The following KIF13A variants were observed in gnomAD, a reference collection of about 807,000 sequenced individuals.
KIF13A encodes kinesin-like protein KIF13A.
A neutral mutation model predicts 212.2 loss-of-function variants in KIF13A; 79 were observed. The observed-to-expected ratio is 0.37, with a 90% CI of 0.31 to 0.45. KIF13A has a LOEUF of 0.45. KIF13A is among the 20% of genes least tolerant of loss of function. KIF13A has a pLI of 1.00. For synonymous variants in KIF13A, 789 were observed against 808.6 expected (o/e 0.98, Z 0.41); for missense variants, 1,901 against 2,209.0 (o/e 0.86, Z 2.79).
rs146596218 is a variant in KIF13A, at chr6:17,871,799, G to T, written c.220+1578C>A. ...CATGAGAAGAGCTCCAGTTCAGGAAGATATATATGGCTGCATCTTGAGTAA... is the reference window on the plus strand; with the variant it reads ...CATGAGAAGAGCTCCAGTTCAGGAATATATATATGGCTGCATCTTGAGTAA... On this transcript the variant is annotated intron_variant, in intron 4 of 38. Transcript: ENST00000259711. The surrounding 1 kb of genome is among the most constrained non-coding windows in gnomAD (Gnocchi z 4.4). 4.9e-3 allele frequency among the ~76,000 whole-genome samples: 743 copies of T among 152,318 alleles called. 3 individuals are homozygous for T. The highest frequency in any genetic ancestry group is 0.01 in the Middle Eastern group (3 of 294).
intron 16 of KIF13A, chr6:17,821,830 A>C: frequency 6.5e-7 from 1 of 1,535,342 alleles, no homozygotes; most frequent in Non-Finnish European, 8.7e-7. Flanking sequence ...AAACCACATG[A>C]GAGGAAAGAG....
intron 2 of KIF13A, among the ~76,000 whole-genome samples, chr6:17,910,293 A>G (rs1436661086): frequency 2.0e-5 from 3 of 152,268 alleles, no homozygotes; most frequent in African/African-American, 7.2e-5. Flanking sequence ...TTACCTGAAA[A>G]GATAGAGAAC....
In KIF13A at chr6:17,961,170, G is replaced by A. The variant is rs571522618; in HGVS notation, c.146+25884C>T. ...CCAATGAATGTGAGTTTGCAGAGAG[G>A]AGGCTAAAAGAGCACTTCAAACTGG... On this transcript the variant is annotated intron_variant, in intron 2 of 38. Transcript: ENST00000259711. The surrounding 1 kb of genome is among the most constrained non-coding windows in gnomAD (Gnocchi z 4.1). Among the ~76,000 whole-genome samples, 3 of 152,278 alleles carry A rather than the reference G, an allele frequency of 2.0e-5. No individual in the cohort carries two copies. In the East Asian group the frequency reaches 5.8e-4, roughly 29 times the overall value.
intron 18 of KIF13A, among the ~76,000 whole-genome samples, chr6:17,805,922 ATTT>A (rs58290591): frequency 1.9e-4 from 26 of 139,324 alleles, no homozygotes; most frequent in Non-Finnish European, 3.5e-4. Flanking sequence ...CATAAGCACG[ATTT>A]TTTTTTTTTT....
At chr6:17,910,953 C>T (rs1399609247) in intron 2 of KIF13A, among the ~76,000 whole-genome samples, 3 of 152,084 alleles carry the variant, frequency 2.0e-5, no homozygotes, top group Non-Finnish European at 4.4e-5. Flanking sequence ...TTAGTAGAGA[C>T]GGGGTTTCTC....
rs1209272231 is a variant in KIF13A, at chr6:17,839,311, T to A, written c.831-1728A>T. Among the ~76,000 whole-genome samples, 16 of 152,062 alleles carry A rather than the reference T, an allele frequency of 1.1e-4. No individual in the cohort carries two copies. Among genetic ancestry groups the A allele is most frequent in the Admixed American group, 1.0e-3 (16 of 15,256 alleles). ...TGAAACAAATCTAACCCAAGAGAAG[T>A]GAAAACATAAGTCTACACAGAAACT... On this transcript the variant is annotated intron_variant, in intron 9 of 38. Transcript: ENST00000259711. This position sits in a 1 kb window ranked among gnomAD's most constrained non-coding sequence, Gnocchi z 4.3.
downstream of KIF13A, chr6:17,760,507 A>G: frequency 3.7e-6 from 1 of 271,348 alleles, no homozygotes; most frequent in Non-Finnish European, 6.9e-6. Context: ...AGAACTGATT[A>G]AAATTGTACA....
chr6:17,955,994 A>T (rs1581847522), intron 2 of KIF13A, among the ~76,000 whole-genome samples: 1 of 152,228 alleles, frequency 6.6e-6, no homozygotes, highest in Non-Finnish European at 1.5e-5. Context: ...GATCTTAAGC[A>T]CAATTTTTAA....
At chr6:17,848,796 A>T (rs1401128086) in intron 9 of KIF13A, among the ~76,000 whole-genome samples, 1 of 151,928 alleles carries the variant, frequency 6.6e-6, no homozygotes, top group East Asian at 1.9e-4. Context: ...CAGGTAGAGA[A>T]GGGGTTTTGT....
At position 17,837,558 on chromosome 6, in the gene KIF13A, T is replaced by C. The variant is rs749123689; in HGVS notation, c.856A>G (p.Ile286Val). Reference protein sequence around the residue: ...NKSLTTLGLVISSLADQAAGK... With the variant: ...NKSLTTLGLVVSSLADQAAGK... Reference sequence around the variant, plus strand: ...GCTGCCTGGTCAGCCAGTGATGATATAACCAACCCCAAGGTTGTAAGCGAT... The same window carrying C: ...GCTGCCTGGTCAGCCAGTGATGATACAACCAACCCCAAGGTTGTAAGCGAT... The change falls in exon 10 of 39, where the codon ATA becomes GTA. Residue 286 changes from isoleucine to valine, a missense_variant. By Grantham distance (29) the Ile-to-Val change is conservative. This residue lies in a region of KIF13A where 506 missense variants were observed against 637.4 expected (regional missense o/e 0.79). Coordinates refer to ENST00000259711, the MANE Select transcript of KIF13A (RefSeq NM_022113.6). This position sits in a 1 kb window ranked among gnomAD's most constrained non-coding sequence, Gnocchi z 5.4. 35 of 1,608,026 alleles carry C rather than the reference T, an allele frequency of 2.2e-5. No homozygotes were observed. In the South Asian group the frequency reaches 3.7e-4, roughly 17 times the overall value.
Position 17,825,689 on chromosome 6 carries a change from T to TG in KIF13A, c.1786+78dup, listed in dbSNP as rs1764906412. 3.0e-6 allele frequency: 4 copies of TG among 1,327,248 alleles called. No homozygotes were observed. The highest frequency in any genetic ancestry group is 4.2e-6 in the Non-Finnish European group (4 of 953,776). 82.2% of individuals were successfully genotyped at this position (1,327,248 alleles called of 1,614,324 possible). A position where few individuals can be genotyped will look rare whatever the true frequency, so the allele number is the denominator to read the frequency against. ...AAAATGTGGAATGCGGAATGACACCTGATGCATGCTTATCCCTCACTGAAT... is the reference window on the plus strand; with the variant it reads ...AAAATGTGGAATGCGGAATGACACCTGGATGCATGCTTATCCCTCACTGAAT... On this transcript the variant is annotated intron_variant, in intron 16 of 38. Coordinates refer to ENST00000259711, the MANE Select transcript of KIF13A (RefSeq NM_022113.6). The surrounding 1 kb of genome is among the most constrained non-coding windows in gnomAD (Gnocchi z 4.5).
intron 4 of KIF13A, among the ~76,000 whole-genome samples, chr6:17,867,791 C>T (rs1041638224): frequency 6.6e-6 from 1 of 152,180 alleles, no homozygotes; most frequent in East Asian, 1.9e-4. Flanking sequence ...CTACTGTTGG[C>T]TTTTAGAATG....
rs1222741216 is a variant in KIF13A, at chr6:17,768,257, C to A, written c.4581+2857G>T. On this transcript the variant is annotated intron_variant, in intron 38 of 38. Transcript: ENST00000259711. This position sits in a 1 kb window ranked among gnomAD's most constrained non-coding sequence, Gnocchi z 5.4. ...TCTTAAGGAAAAAGATAATTAAAACCCTATCTGAAGTGGCACATGGAGTCA... is the reference window on the plus strand; with the variant it reads ...TCTTAAGGAAAAAGATAATTAAAACACTATCTGAAGTGGCACATGGAGTCA... 6.6e-6 allele frequency among the ~76,000 whole-genome samples: 1 copy of A among 152,066 alleles called. No homozygotes were observed. Among genetic ancestry groups the A allele is most frequent in the East Asian group, 1.9e-4 (1 of 5,198 alleles).
chr6:17,836,376 T>C (rs1426833539), intron 11 of KIF13A, among the ~76,000 whole-genome samples: 1 of 152,216 alleles, frequency 6.6e-6, no homozygotes, highest in Admixed American at 6.5e-5. Context: ...AAAGGCCAAC[T>C]GATTTAGGGA....
rs776043267 is a variant in KIF13A at position 17,800,113 on chromosome 6, C to G, written c.2455G>C (p.Val819Leu). 2 of 1,613,264 alleles carry G rather than the reference C, an allele frequency of 1.2e-6. No individual in the cohort carries two copies. Among genetic ancestry groups the G allele is most frequent in the East Asian group, 2.2e-5 (1 of 44,844 alleles). Reference sequence around the variant, plus strand: ...ACTTCCACGTGGAGACGCCCTGCAACCTGGGTCAAGGAACCAGAGCACCTT... The same window carrying G: ...ACTTCCACGTGGAGACGCCCTGCAAGCTGGGTCAAGGAACCAGAGCACCTT... ...AVPIISQQGE[V>L]AGRLHVEVMR... The change falls in exon 21 of 39, where the codon GTT (valine) becomes CTT (leucine). Residue 819 changes from valine to leucine, a missense_variant and splice_region_variant. By Grantham distance (32) the Val-to-Leu change is conservative (BLOSUM62 1). Coordinates refer to ENST00000259711, the MANE Select transcript of KIF13A (RefSeq NM_022113.6).
At chr6:17,766,219 G>GATTTATTTATTTATTTATTTATTTATTT (rs57491415) in intron 38 of KIF13A, among the ~76,000 whole-genome samples, 1 of 144,656 alleles carries the variant, frequency 6.9e-6, no homozygotes, top group African/African-American at 2.6e-5. Context: ...TTATTTTTAA[G>GATTTATTTATTTATTTATTTATTTATTT]ATTTATTTAT....
chr6:17,892,022 C>T lies in KIF13A; in HGVS notation c.159+6146G>A, dbSNP rs1291229043. Among the ~76,000 whole-genome samples, 2 of 152,170 alleles carry T rather than the reference C, an allele frequency of 1.3e-5. No individual in the cohort carries two copies. The highest frequency in any genetic ancestry group is 4.8e-5 in the African/African-American group (2 of 41,450). ...CTACTCTCTTCACCCCAATAATTTA[C>T]CTGATCTTTGTAAGGCAGAGTCGGC... On this transcript the variant is annotated intron_variant, in intron 3 of 38. Coordinates refer to ENST00000259711, the MANE Select transcript of KIF13A (RefSeq NM_022113.6). This position sits in a 1 kb window ranked among gnomAD's most constrained non-coding sequence, Gnocchi z 4.7.
At chr6:17,781,078 T>G (rs868792281) in intron 30 of KIF13A, 99 bp downstream of exon 30, 3 of 1,491,724 alleles carry the variant, frequency 2.0e-6, no homozygotes, top group Middle Eastern at 4.1e-4. Flanking sequence ...AAGTCCCCGG[T>G]CTTTTTCCCC....
chr6:17,953,766 A>T (rs548981383), intron 2 of KIF13A: 1 of 192,052 alleles, frequency 5.2e-6, no homozygotes, highest in East Asian at 1.1e-4. Flanking sequence ...TACCAAATCA[A>T]CCTAATTAAG....
Sources: allele counts gnomAD v4.1 joint callset (sites outside exome capture counted in the v4.1 genomes callset), GRCh38; gene constraint gnomAD v4.1.1; regional missense constraint gnomAD v4.1.1; non-coding constraint Gnocchi (gnomAD v3.1); transcripts MANE v1.5; gene names NCBI Gene and HGNC (gene_info 2026-07-23, HGNC 2026-07-21).